SUMO3: variants seen among roughly 807,000 people sequenced by gnomAD.
The protein encoded by SUMO3 is small ubiquitin-related modifier 3.
A neutral mutation model predicts 11.1 loss-of-function variants in SUMO3; 2 were observed. That is an observed-to-expected ratio of 0.18 (90% CI 0.07 to 0.57). The LOEUF is 0.57. SUMO3 is among the 20% of genes least tolerant of loss of function. SUMO3 has a pLI of 0.92. For synonymous variants in SUMO3, 56 were observed against 53.5 expected, an observed-to-expected ratio of 1.05 and a Z score of -0.20; for missense variants, 70 against 132.8, an observed-to-expected ratio of 0.53 and a Z score of 2.32.
chr21:44,809,263 A>G, intron 2 of SUMO3, 145 bp from the exon 3 acceptor site: 1 of 748,028 alleles, frequency 1.3e-6, no homozygotes, highest in Admixed American at 2.7e-5. Context: ...CAAAAACCAA[A>G]TATTTTAATC....
In SUMO3 at chr21:44,812,084, G is replaced by A. The variant is rs1043261445; in HGVS notation, c.150+1892C>T. ...TTTTTTTTTTTTTTTTTTGAGACAGGGTCTTGCTCTGTCACCCAGGCTGGA... is the reference window on the plus strand; with the variant it reads ...TTTTTTTTTTTTTTTTTTGAGACAGAGTCTTGCTCTGTCACCCAGGCTGGA... On this transcript the variant is annotated intron_variant, in intron 2 of 3. Transcript: ENST00000332859. Among the ~76,000 whole-genome samples the A allele has an allele frequency of 5.0e-5, 5 of 99,014 alleles. No homozygotes were observed. The Admixed American group carries it at 7.3e-4, about 14-fold the overall frequency. The allele number at this position is 99,014 out of a possible 152,430, so 65.0% of individuals were successfully genotyped here.
In SUMO3 at chr21:44,814,948, C is replaced by T. The variant is rs1555002; in HGVS notation, c.22-844G>A. The stretch of plus-strand genomic sequence containing the variant: ...ATGTCAAGAGACTGGGAGCCAACTT[C>T]GGGGCAGCTCAGTCTGAGCCGAAAA... On this transcript the variant is annotated intron_variant, in intron 1 of 3. Coordinates refer to ENST00000332859, the MANE Select transcript of SUMO3 (RefSeq NM_006936.3). Among the ~76,000 whole-genome samples the T allele has an allele frequency of 8.6e-3, 1,311 of 152,338 alleles. 5 individuals are homozygous for T. Among genetic ancestry groups the T allele is most frequent in the South Asian group, 0.016 (76 of 4,832 alleles).
intron 1 of SUMO3, among the ~76,000 whole-genome samples, chr21:44,814,383 A>C (rs2083231807): frequency 6.6e-6 from 1 of 152,242 alleles, no homozygotes. Flanking sequence ...GGGAAAAATA[A>C]GAGAAAATCC....
chr21:44,812,774 A>G (rs9975507), intron 2 of SUMO3, among the ~76,000 whole-genome samples: 10,730 of 152,258 alleles, frequency 0.07, 1,093 homozygotes, highest in African/African-American at 0.22. Flanking sequence ...CCCCACATGT[A>G]CACGGCCCCA....
chr21:44,811,027 CACACACCCACAT>C lies in SUMO3; in HGVS notation c.151-1921_151-1910del, dbSNP rs911962352. Among the ~76,000 whole-genome samples the C allele has an allele frequency of 1.3e-5, 2 of 149,730 alleles. No individual in the cohort carries two copies. The highest frequency in any genetic ancestry group is 4.9e-5 in the African/African-American group (2 of 40,766). On this transcript the variant is annotated intron_variant, in intron 2 of 3. Coordinates refer to ENST00000332859, the MANE Select transcript of SUMO3 (RefSeq NM_006936.3). The surrounding 1 kb of genome is among the most constrained non-coding windows in gnomAD (Gnocchi z 5.0). ...GCACACACCCACATATGCACACACGCACACACCCACATACACACACGCACACACCCACACATA... is the reference window on the plus strand; with the variant it reads ...GCACACACCCACATATGCACACACGCACACACACGCACACACCCACACATA...
intron 3 of SUMO3, chr21:44,808,657 A>G: frequency 5.1e-6 from 7 of 1,379,120 alleles, no homozygotes; most frequent in Non-Finnish European, 3.8e-6. Flanking sequence ...GTTATGGCAC[A>G]TTCTGCCCAC....
intron 1 of SUMO3, among the ~76,000 whole-genome samples, chr21:44,816,843 A>C (rs1347553816): frequency 2.8e-5 from 3 of 105,874 alleles, no homozygotes; most frequent in Non-Finnish European, 5.6e-5. Flanking sequence ...AATGCAGAGA[A>C]GTGGGCGCAC....
chr21:44,812,541 T>G (rs961502219), intron 2 of SUMO3, among the ~76,000 whole-genome samples: 2 of 152,170 alleles, frequency 1.3e-5, no homozygotes, highest in African/African-American at 4.8e-5. Context: ...TCAAAGACGC[T>G]GCCCTTCTGT....
At chr21:44,817,624 G>A (rs1044280917) in intron 1 of SUMO3, among the ~76,000 whole-genome samples, 1 of 150,832 alleles carries the variant, frequency 6.6e-6, no homozygotes, top group Non-Finnish European at 1.5e-5. Context: ...AGGGCGCCGC[G>A]CTCTGCAGGA....
At chr21:44,814,945 C>A (rs2083235010) in intron 1 of SUMO3, among the ~76,000 whole-genome samples, 1 of 152,232 alleles carries the variant, frequency 6.6e-6, no homozygotes, top group Admixed American at 6.5e-5. Flanking sequence ...TGGGAGCCAA[C>A]TTCGGGGCAG....
chr21:44,809,304 T>G (rs111778283), intron 2 of SUMO3, among the ~76,000 whole-genome samples, 186 bp from the exon 3 acceptor site: 6 of 152,396 alleles, frequency 3.9e-5, no homozygotes, highest in African/African-American at 1.4e-4. Flanking sequence ...TGCAGATTTA[T>G]GATCCAGCTC....
At chr21:44,815,122 G>A (rs1055563302) in intron 1 of SUMO3, among the ~76,000 whole-genome samples, 2 of 152,222 alleles carry the variant, frequency 1.3e-5, no homozygotes, top group Admixed American at 6.5e-5. Flanking sequence ...CCCTCAGGAA[G>A]CACTGTACAT....
intron 1 of SUMO3, 114 bp downstream of exon 1, chr21:44,817,833 AG>A (rs1412443935): frequency 0.049 from 9 of 182 alleles, no homozygotes; most frequent in African/African-American, 0.24. Flanking sequence ...GAGGGCGGGG[AG>A]GGGCGGAGCC....
intron 2 of SUMO3, chr21:44,813,619 C>A: frequency 1.7e-6 from 1 of 577,584 alleles, no homozygotes; most frequent in Non-Finnish European, 3.0e-6. Context: ...ACGCCACCTG[C>A]AGCCCCAGAA....
At chr21:44,812,798 C>G (rs1208634983) in intron 2 of SUMO3, among the ~76,000 whole-genome samples, 1 of 152,210 alleles carries the variant, frequency 6.6e-6, no homozygotes, top group Non-Finnish European at 1.5e-5. Context: ...GCCTGCCATC[C>G]CGCAGCGCAG....
chr21:44,808,622 G>A (rs958079369), intron 3 of SUMO3: 24 of 1,365,490 alleles, frequency 1.8e-5, no homozygotes, highest in Non-Finnish European at 1.3e-5. Flanking sequence ...TGAGAGAAAC[G>A]AGCTGTGCAG....
chr21:44,808,440 G>A lies in SUMO3; in HGVS notation c.222+607C>T, dbSNP rs986123528. The stretch of plus-strand genomic sequence containing the variant: ...AGGCAGGAGAATGGCGTGAACTCAG[G>A]AGGCAGAGCTTGCACAGTGAGCTGA... On this transcript the variant is annotated intron_variant, in intron 3 of 3. Coordinates refer to ENST00000332859, the MANE Select transcript of SUMO3 (RefSeq NM_006936.3). 8 of 1,324,150 alleles carry A rather than the reference G, an allele frequency of 6.0e-6. No individual in the cohort carries two copies. In the African/African-American group the frequency reaches 9.1e-5, roughly 15 times the overall value. 82.0% of individuals were successfully genotyped at this position (1,324,150 alleles called of 1,614,324 possible).
intron 2 of SUMO3, chr21:44,813,520 A>C: frequency 2.9e-6 from 1 of 341,560 alleles, no homozygotes; most frequent in Non-Finnish European, 5.4e-6. Context: ...TCCTAACAAA[A>C]TGGAAAACCA....
In SUMO3 at chr21:44,810,742, G is replaced by A. The variant is rs572723034; in HGVS notation, c.151-1624C>T. ...CAGCCCTGGCAGCACAGCCATCCAT[G>A]TACACAGCTTTTCAGCAGCTTCTCG... is the stretch of plus-strand genomic sequence containing the variant. On this transcript the variant is annotated intron_variant, in intron 2 of 3. Coordinates refer to ENST00000332859, the MANE Select transcript of SUMO3 (RefSeq NM_006936.3). This position sits in a 1 kb window ranked among gnomAD's most constrained non-coding sequence, Gnocchi z 4.1. Among the ~76,000 whole-genome samples, 1 of 152,242 alleles carries A rather than the reference G, an allele frequency of 6.6e-6. No individual in the cohort carries two copies. Among genetic ancestry groups the A allele is most frequent in the South Asian group, 2.1e-4 (1 of 4,816 alleles).
Sources: allele counts gnomAD v4.1 joint callset (sites outside exome capture counted in the v4.1 genomes callset), GRCh38; gene constraint gnomAD v4.1.1; non-coding constraint Gnocchi (gnomAD v3.1); transcripts MANE v1.5; gene names NCBI Gene and HGNC (gene_info 2026-07-23, HGNC 2026-07-21).